The following CRAMP1 variants were observed in gnomAD, a reference collection of about 807,000 sequenced individuals.
The protein encoded by CRAMP1 is cramped chromatin regulator 1.
A neutral mutation model predicts 115.4 loss-of-function variants in CRAMP1; 50 were observed. The observed-to-expected ratio is 0.43, with a 90% CI of 0.35 to 0.55. CRAMP1 has a LOEUF of 0.55. Ranked by LOEUF, CRAMP1 falls within the 20% of genes least tolerant of loss-of-function variation. The pLI is 0.01. For missense variants in CRAMP1, 1,679 were observed against 1,721.7 expected (o/e 0.98, Z 0.44); for synonymous variants, 866 against 745.4 (o/e 1.16, Z -2.64).
chr16:1,651,178 G>T (rs997422629), intron 6 of CRAMP1, among the ~76,000 whole-genome samples: 2 of 152,012 alleles, frequency 1.3e-5, no homozygotes, highest in African/African-American at 2.4e-5. Context: ...AGGTCACGGA[G>T]AGGTGGACTG....
At chr16:1,652,915 CCT>C (rs2036737148) in intron 7 of CRAMP1, 116 bp from the exon 8 acceptor site, 3 of 1,244,588 alleles carry the variant, frequency 2.4e-6, no homozygotes. Flanking sequence ...GCTCTCCTTG[CCT>C]CTGTTTGCAA....
At chr16:1,665,026 T>A (rs752929747) in intron 13 of CRAMP1, 31 bp from the exon 14 acceptor site, 1 of 1,470,654 alleles carries the variant, frequency 6.8e-7, no homozygotes, top group Non-Finnish European at 9.5e-7. Flanking sequence ...GGGAGTTTCA[T>A]CACCTTGATT....
At chr16:1,626,372 A>G (rs1171223587) in intron 3 of CRAMP1, among the ~76,000 whole-genome samples, 1 of 152,188 alleles carries the variant, frequency 6.6e-6, no homozygotes, top group African/African-American at 2.4e-5. Context: ...AGAAGCTAGT[A>G]CTGGTGAGGT....
chr16:1,665,372 G>C (rs943689100), intron 14 of CRAMP1, among the ~76,000 whole-genome samples: 2 of 152,232 alleles, frequency 1.3e-5, no homozygotes, highest in Admixed American at 6.5e-5. Context: ...TGTGGCCTCA[G>C]ATGGCCCTGT....
intron 9 of CRAMP1, 151 bp from the exon 10 acceptor site, chr16:1,655,726 G>T: frequency 1.3e-6 from 1 of 769,202 alleles, no homozygotes. Flanking sequence ...AGCATTGTTG[G>T]GTAGTGGTGT....
intron 2 of CRAMP1, among the ~76,000 whole-genome samples, chr16:1,615,796 C>T (rs1415417620): frequency 6.6e-6 from 1 of 152,046 alleles, no homozygotes; most frequent in East Asian, 1.9e-4. Context: ...TTTTTGTTTC[C>T]GACCATGTTC....
chr16:1,646,587 G>C (rs1251987978), intron 6 of CRAMP1, among the ~76,000 whole-genome samples: 1 of 152,158 alleles, frequency 6.6e-6, no homozygotes, highest in Non-Finnish European at 1.5e-5. Flanking sequence ...TACTCCATCT[G>C]CAAATACTTT....
At position 1,666,442 on chromosome 16, in the gene CRAMP1, A is replaced by G; in HGVS notation, c.2878A>G (p.Thr960Ala). The change falls in exon 16 of 21, where the codon ACA becomes GCA. Residue 960 changes from threonine (T) to alanine (A), a missense_variant. This residue lies in a region of CRAMP1 where 709 missense variants were observed against 741.9 expected (regional missense o/e 0.96). Transcript: ENST00000397412. The surrounding 1 kb of genome is among the most constrained non-coding windows in gnomAD (Gnocchi z 5.0). ...HLASAIDLAA[T>A]SAGILSGNPL... ...GCCAGGTGCTATCGACTTAGCAGCTACAAGTGCCGGCATCCTTTCCGGGAA... is the reference window on the plus strand; with the variant it reads ...GCCAGGTGCTATCGACTTAGCAGCTGCAAGTGCCGGCATCCTTTCCGGGAA... The G allele has an allele frequency of 3.7e-6, 6 of 1,613,412 alleles. No homozygotes were observed. Among genetic ancestry groups the G allele is most frequent in the Non-Finnish European group, 2.5e-6 (3 of 1,179,634 alleles).
intron 2 of CRAMP1, among the ~76,000 whole-genome samples, chr16:1,616,801 T>G (rs1229683879): frequency 6.6e-6 from 1 of 152,096 alleles, no homozygotes; most frequent in African/African-American, 2.4e-5. Flanking sequence ...TTATCCCACT[T>G]TAGCAAGCAA....
chr16:1,627,327 G>C (rs888645902), intron 3 of CRAMP1, among the ~76,000 whole-genome samples: 1 of 152,120 alleles, frequency 6.6e-6, no homozygotes, highest in African/African-American at 2.4e-5. Context: ...TTGTATTTTA[G>C]TTGAGACGGA....
intron 7 of CRAMP1, 39 bp downstream of exon 7, chr16:1,652,620 C>G: frequency 6.6e-7 from 1 of 1,512,610 alleles, no homozygotes. Flanking sequence ...GAGGCGGTGC[C>G]CATGGTGTCC....
Position 1,655,285 on chromosome 16 carries a change from C to G in CRAMP1, c.1104C>G (p.Leu368=). Residue 368 remains leucine (L), a synonymous_variant, in exon 9 of 21, where the codon CTC becomes CTG. Coordinates refer to ENST00000397412, the MANE Select transcript of CRAMP1 (RefSeq NM_020825.4). Reference sequence around the variant, plus strand: ...AATTCTTGAAGCAGAAGTGGGCGCTCCATGAGGTGCGAGTTGTATCCTTTT... The same window carrying G: ...AATTCTTGAAGCAGAAGTGGGCGCTGCATGAGGTGCGAGTTGTATCCTTTT... The part of the protein sequence containing the change: ...LIEFLKQKWA[L]HEVRVRKTLE... The G allele has an allele frequency of 6.2e-7, 1 of 1,613,914 alleles. No individual in the cohort carries two copies. Among genetic ancestry groups the G allele is most frequent in the Non-Finnish European group, 8.5e-7 (1 of 1,179,772 alleles).
intron 6 of CRAMP1, among the ~76,000 whole-genome samples, chr16:1,651,654 A>T (rs2036724352): frequency 1.4e-5 from 2 of 143,794 alleles, no homozygotes; most frequent in Non-Finnish European, 3.0e-5. Context: ...TTGAAGTCAC[A>T]CAGAGGTAAC....
rs541352163 is a variant in CRAMP1 at position 1,656,943 on chromosome 16, T to G, written c.2186T>G (p.Leu729Arg). The change falls in exon 10 of 21, where the codon CTC becomes CGC. Residue 729 changes from leucine to arginine, a missense_variant. Physicochemically the swap from Leu to Arg is moderately radical, Grantham distance 102. Around this residue, in one of 8 missense-constraint regions of CRAMP1, gnomAD observed 709 missense variants for 741.9 expected, o/e 0.96. Coordinates refer to ENST00000397412, the MANE Select transcript of CRAMP1 (RefSeq NM_020825.4). This position sits in a 1 kb window ranked among gnomAD's most constrained non-coding sequence, Gnocchi z 5.6. The stretch of plus-strand genomic sequence containing the variant: ...CCCACCGCCCTCCACAAGCAGCGCC[T>G]CCTCAGCTGCCTCCTGAAGCTCATT... Reference protein sequence around the residue: ...SLPTALHKQRLLSCLLKLIST... With the variant: ...SLPTALHKQRRLSCLLKLIST... The G allele has an allele frequency of 4.8e-5, 75 of 1,558,548 alleles. No individual in the cohort carries two copies. Among genetic ancestry groups the G allele is most frequent in the Admixed American group, 2.3e-4 (12 of 53,048 alleles).
intron 6 of CRAMP1, among the ~76,000 whole-genome samples, chr16:1,641,896 G>A (rs1033632506): frequency 6.6e-6 from 1 of 150,786 alleles, no homozygotes; most frequent in African/African-American, 2.5e-5. Context: ...CCCCACTCTG[G>A]AGCCTGGGGG....
intron 5 of CRAMP1, among the ~76,000 whole-genome samples, chr16:1,638,552 C>T (rs574399150): frequency 2.0e-5 from 3 of 152,310 alleles, no homozygotes; most frequent in East Asian, 3.9e-4. Context: ...TTGACACGAC[C>T]TCTAGGTAGG....
intron 3 of CRAMP1, among the ~76,000 whole-genome samples, chr16:1,631,894 G>A (rs1362614624): frequency 6.6e-6 from 1 of 152,166 alleles, no homozygotes; most frequent in Non-Finnish European, 1.5e-5. Context: ...TTCATTATCT[G>A]TGAAGAACTC....
At chr16:1,668,906 C>A in intron 18 of CRAMP1, 95 bp from the exon 19 acceptor site, 1 of 1,181,510 alleles carries the variant, frequency 8.5e-7, no homozygotes, top group Non-Finnish European at 1.2e-6. Context: ...TAGAGCCCTG[C>A]GGCCCTGCTG....
chr16:1,637,281 G>C (rs1161883128), intron 4 of CRAMP1, among the ~76,000 whole-genome samples: 1 of 151,574 alleles, frequency 6.6e-6, no homozygotes, highest in African/African-American at 2.4e-5. Flanking sequence ...GCGAGAGAGT[G>C]AGACCCTGTC....
Sources: gnomAD v4.1 joint callset for allele counts (sites outside exome capture counted in the v4.1 genomes callset) on GRCh38, gnomAD v4.1.1 for gene constraint, gnomAD v4.1.1 regional missense constraint, Gnocchi (gnomAD v3.1) non-coding constraint, MANE v1.5 for transcripts, NCBI Gene and HGNC (gene_info 2026-07-23, HGNC 2026-07-21) for gene names.